The following NRXN3 variants were observed in gnomAD, a reference collection of about 807,000 sequenced individuals.
NRXN3 encodes neurexin 3, also known as neurexin III.
Under a neutral mutation model 137.6 loss-of-function variants are expected in NRXN3, and 32 were observed. That is an observed-to-expected ratio of 0.23 (90% CI 0.18 to 0.31). The LOEUF is 0.31. Among genes scored for constraint, NRXN3 ranks in the 10% least tolerant of loss-of-function variants. The pLI is 1.00. For missense variants in NRXN3, 1,574 were observed against 2,062.5 expected (o/e 0.76, Z 4.59); for synonymous variants, 798 against 784.5 (o/e 1.02, Z -0.29).
At chr14:79,531,797 A>G (rs1443579893) in intron 16 of NRXN3, among the ~76,000 whole-genome samples, 1 of 152,190 alleles carries the variant, frequency 6.6e-6, no homozygotes, top group Non-Finnish European at 1.5e-5. Flanking sequence ...TTTTACACTT[A>G]TTGGACACCT....
chr14:79,287,424 G>A (rs2082445958), intron 15 of NRXN3, among the ~76,000 whole-genome samples: 1 of 152,098 alleles, frequency 6.6e-6, no homozygotes, highest in African/African-American at 2.4e-5. Flanking sequence ...ATTCAGAATT[G>A]GATCCCATTT....
intron 8 of NRXN3, among the ~76,000 whole-genome samples, chr14:78,741,630 T>C (rs886258178): frequency 6.6e-6 from 1 of 152,144 alleles, no homozygotes; most frequent in Non-Finnish European, 1.5e-5. Flanking sequence ...TCACCACATA[T>C]CTATCACGTC....
At chr14:79,024,068 G>A (rs2099594214) in intron 15 of NRXN3, among the ~76,000 whole-genome samples, 1 of 152,026 alleles carries the variant, frequency 6.6e-6, no homozygotes, top group Admixed American at 6.6e-5. Flanking sequence ...AAAGTTAAAC[G>A]AGCTGAAGTA....
intron 16 of NRXN3, among the ~76,000 whole-genome samples, chr14:79,557,399 T>G (rs2097441411): frequency 6.6e-6 from 1 of 152,142 alleles, no homozygotes; most frequent in East Asian, 1.9e-4. Context: ...ATCCATGTAA[T>G]TAGCAAACTT....
chr14:79,726,413 C>G (rs1041392396), intron 19 of NRXN3, among the ~76,000 whole-genome samples: 9 of 152,118 alleles, frequency 5.9e-5, no homozygotes, highest in East Asian at 1.9e-4. Context: ...AACAATTTGG[C>G]TAGCAGAATT....
At chr14:78,960,930 G>C (rs909485148) in intron 11 of NRXN3, among the ~76,000 whole-genome samples, 1 of 151,880 alleles carries the variant, frequency 6.6e-6, no homozygotes, top group Non-Finnish European at 1.5e-5. Context: ...ATGAAATGGA[G>C]TTCTTTATTG....
At chr14:78,536,087 A>G (rs1179903460) in intron 4 of NRXN3, among the ~76,000 whole-genome samples, 3 of 152,082 alleles carry the variant, frequency 2.0e-5, no homozygotes, top group Non-Finnish European at 4.4e-5. Flanking sequence ...AACCCCTCCC[A>G]TATTCCCTTA....
intron 4 of NRXN3, among the ~76,000 whole-genome samples, chr14:78,349,351 T>G (rs955113634): frequency 6.6e-5 from 10 of 152,320 alleles, no homozygotes; most frequent in South Asian, 2.1e-4. Flanking sequence ...CAGGCAGTTA[T>G]TCATGGGGAG....
At chr14:79,545,889 A>G (rs2097314760) in intron 16 of NRXN3, among the ~76,000 whole-genome samples, 1 of 151,900 alleles carries the variant, frequency 6.6e-6, no homozygotes, top group Admixed American at 6.6e-5. Context: ...TCCCCACCCA[A>G]ATCTCATCTT....
At chr14:78,807,303 C>A (rs2098878283) in intron 9 of NRXN3, among the ~76,000 whole-genome samples, 1 of 152,168 alleles carries the variant, frequency 6.6e-6, no homozygotes, top group African/African-American at 2.4e-5. Context: ...TGGTAAATTG[C>A]ATTTGAATTC....
chr14:78,925,538 AT>A (rs1405778343), intron 10 of NRXN3, among the ~76,000 whole-genome samples: 1 of 152,136 alleles, frequency 6.6e-6, no homozygotes, highest in Non-Finnish European at 1.5e-5. Context: ...TCTATTCTGG[AT>A]TGGTGTTTTT....
At chr14:78,393,203 T>C (rs1400866404) in intron 4 of NRXN3, among the ~76,000 whole-genome samples, 1 of 152,158 alleles carries the variant, frequency 6.6e-6, no homozygotes, top group Non-Finnish European at 1.5e-5. Context: ...TTTACTTTTT[T>C]TAAAATTAAA....
intron 15 of NRXN3, among the ~76,000 whole-genome samples, chr14:79,420,913 C>T (rs980360678): frequency 5.3e-5 from 8 of 152,064 alleles, no homozygotes; most frequent in African/African-American, 1.4e-4. Flanking sequence ...GAGGTGTTAA[C>T]GCACTGAACA....
At chr14:79,256,206 C>G (rs570793023) in intron 15 of NRXN3, among the ~76,000 whole-genome samples, 1 of 151,830 alleles carries the variant, frequency 6.6e-6, no homozygotes, top group South Asian at 2.1e-4. Context: ...CACACACACA[C>G]CCCCCAGAAG....
intron 10 of NRXN3, among the ~76,000 whole-genome samples, chr14:78,844,676 A>AT (rs2099021611): frequency 6.6e-6 from 1 of 152,154 alleles, no homozygotes; most frequent in Non-Finnish European, 1.5e-5. Context: ...GATAGAACAG[A>AT]TTTTAAACTA....
At chr14:79,477,015 T>G (rs547101082) in intron 16 of NRXN3, among the ~76,000 whole-genome samples, 10 of 152,204 alleles carry the variant, frequency 6.6e-5, no homozygotes, top group Admixed American at 2.6e-4. Flanking sequence ...AGTTAATATC[T>G]AGCCGGGGGG....
intron 6 of NRXN3, among the ~76,000 whole-genome samples, chr14:78,686,308 T>C (rs2098125553): frequency 6.6e-6 from 1 of 152,234 alleles, no homozygotes; most frequent in Non-Finnish European, 1.5e-5. Context: ...ATCTGTTATT[T>C]CCCAATGTAC....
chr14:78,752,760 G>T (rs761156094), intron 8 of NRXN3, among the ~76,000 whole-genome samples: 3 of 152,208 alleles, frequency 2.0e-5, no homozygotes, highest in Non-Finnish European at 4.4e-5. Flanking sequence ...GCAATGTGGG[G>T]CCTGACCAGA....
intron 4 of NRXN3, among the ~76,000 whole-genome samples, chr14:78,447,434 G>C (rs1434684239): frequency 6.6e-6 from 1 of 152,222 alleles, no homozygotes; most frequent in Non-Finnish European, 1.5e-5. Context: ...TAAATGCACT[G>C]GAGGAAGAAA....
Sources: allele counts gnomAD v4.1 joint callset (sites outside exome capture counted in the v4.1 genomes callset), GRCh38; gene constraint gnomAD v4.1.1; transcripts MANE v1.5; gene names NCBI Gene and HGNC (gene_info 2026-07-23, HGNC 2026-07-21).